NOL4: variants seen among roughly 807,000 people sequenced by gnomAD.
The protein encoded by NOL4 is nucleolar protein 4.
A neutral mutation model predicts 75.9 loss-of-function variants in NOL4; 17 were observed. That is an observed-to-expected ratio of 0.22 (90% CI 0.15 to 0.34). NOL4 has a LOEUF of 0.34. Among genes scored for constraint, NOL4 ranks in the 10% least tolerant of loss-of-function variants. The pLI, the probability that NOL4 is intolerant of heterozygous loss-of-function variation, is 1.00. For missense variants in NOL4, 614 were observed against 793.5 expected, an observed-to-expected ratio of 0.77 and a Z score of 2.72; for synonymous variants, 292 against 289.9, an observed-to-expected ratio of 1.01 and a Z score of -0.07.
At chr18:33,853,674 A>T (rs935371502) in intron 10 of NOL4, among the ~76,000 whole-genome samples, 2 of 152,014 alleles carry the variant, frequency 1.3e-5, no homozygotes, top group African/African-American at 4.8e-5. Context: ...ATTACATTGG[A>T]ATTTGCTTTA....
chr18:34,059,254 G>T (rs1242101898), intron 5 of NOL4, among the ~76,000 whole-genome samples: 4 of 150,586 alleles, frequency 2.7e-5, no homozygotes, highest in Admixed American at 6.6e-5. Context: ...AAATACCCCC[G>T]ATTCAAAGTT....
chr18:34,158,910 A>G (rs958207298), intron 1 of NOL4, among the ~76,000 whole-genome samples: 12 of 152,176 alleles, frequency 7.9e-5, no homozygotes, highest in African/African-American at 2.2e-4. Context: ...GAGATACAAA[A>G]TGTAGAATGG....
At chr18:34,173,727 C>G (rs948800658) in intron 1 of NOL4, among the ~76,000 whole-genome samples, 16 of 152,210 alleles carry the variant, frequency 1.1e-4, no homozygotes, top group Admixed American at 1.0e-3. Context: ...TCTGTCTCAG[C>G]CTATGACAGA....
chr18:33,928,663 T>G (rs1272061731), intron 9 of NOL4, among the ~76,000 whole-genome samples: 1 of 152,136 alleles, frequency 6.6e-6, no homozygotes, highest in Non-Finnish European at 1.5e-5. Flanking sequence ...AAGGAAGAAA[T>G]TTAAACAGAA....
At chr18:34,127,827 G>A (rs1044363761) in intron 2 of NOL4, among the ~76,000 whole-genome samples, 4 of 151,804 alleles carry the variant, frequency 2.6e-5, no homozygotes, top group Non-Finnish European at 4.4e-5. Context: ...AGATCAGAGG[G>A]AAAAAGTTTA....
intron 9 of NOL4, among the ~76,000 whole-genome samples, chr18:33,927,789 A>T (rs1180321998): frequency 6.6e-6 from 1 of 152,206 alleles, no homozygotes; most frequent in Non-Finnish European, 1.5e-5. Flanking sequence ...ATGTAGAAAC[A>T]CTAATGCCCC....
At chr18:33,996,648 T>C (rs370814616) in intron 6 of NOL4, among the ~76,000 whole-genome samples, 100 of 151,994 alleles carry the variant, frequency 6.6e-4, no homozygotes, top group African/African-American at 2.3e-3. Flanking sequence ...GGCCCACTTA[T>C]AAGTGAGAAC....
At chr18:33,956,355 C>T (rs2069646095) in intron 8 of NOL4, among the ~76,000 whole-genome samples, 1 of 152,038 alleles carries the variant, frequency 6.6e-6, no homozygotes, top group African/African-American at 2.4e-5. Context: ...AAAGCATGGC[C>T]TTTTATATCC....
At chr18:33,975,304 G>A (rs1306102517) in intron 6 of NOL4, among the ~76,000 whole-genome samples, 3 of 152,156 alleles carry the variant, frequency 2.0e-5, no homozygotes, top group Non-Finnish European at 4.4e-5. Context: ...CTAAAATTAT[G>A]AGACTTTTTT....
chr18:33,937,789 T>C (rs1295876601), intron 9 of NOL4, among the ~76,000 whole-genome samples: 2 of 152,132 alleles, frequency 1.3e-5, no homozygotes, highest in African/African-American at 2.4e-5. Context: ...TTTATACACT[T>C]TTAAGATACT....
chr18:33,981,731 C>A (rs954269694), intron 6 of NOL4, among the ~76,000 whole-genome samples: 2 of 152,058 alleles, frequency 1.3e-5, no homozygotes, highest in African/African-American at 4.8e-5. Context: ...ATGACTTGGA[C>A]TTATTTTTTC....
At chr18:34,206,445 C>G (rs1488780744) in intron 1 of NOL4, among the ~76,000 whole-genome samples, 1 of 151,968 alleles carries the variant, frequency 6.6e-6, no homozygotes, top group Admixed American at 6.6e-5. Context: ...TAGAATAGGC[C>G]TGCTGGAAAT....
intron 2 of NOL4, among the ~76,000 whole-genome samples, chr18:34,111,929 G>T (rs2079607700): frequency 1.3e-5 from 2 of 152,174 alleles, no homozygotes; most frequent in South Asian, 4.1e-4. Flanking sequence ...CAATATGGTG[G>T]TTCCCCTAGA....
chr18:33,980,390 A>G (rs1476101079), intron 6 of NOL4, among the ~76,000 whole-genome samples: 1 of 152,130 alleles, frequency 6.6e-6, no homozygotes. Flanking sequence ...AGTGAATATC[A>G]GATAAAAATA....
chr18:33,867,732 C>G (rs2063502876), intron 10 of NOL4, among the ~76,000 whole-genome samples: 1 of 151,368 alleles, frequency 6.6e-6, no homozygotes, highest in Non-Finnish European at 1.5e-5. Context: ...TTGAAAAGTC[C>G]CAAGATCTGT....
intron 4 of NOL4, among the ~76,000 whole-genome samples, chr18:34,101,752 C>T (rs188909504): frequency 6.6e-5 from 10 of 152,116 alleles, no homozygotes; most frequent in African/African-American, 2.4e-4. Context: ...TACTGGTGTC[C>T]CTGCATCCAG....
chr18:34,175,132 G>T (rs2033424098), intron 1 of NOL4, among the ~76,000 whole-genome samples: 1 of 152,068 alleles, frequency 6.6e-6, no homozygotes, highest in Non-Finnish European at 1.5e-5. Flanking sequence ...ATTCACAATG[G>T]CCCACATTCC....
intron 1 of NOL4, among the ~76,000 whole-genome samples, chr18:34,134,451 C>G (rs2080803268): frequency 4.2e-5 from 1 of 23,992 alleles, no homozygotes; most frequent in African/African-American, 1.1e-4. Context: ...CCAAGTGACA[C>G]ACACACACAC....
chr18:34,125,748 T>G (rs1341790346), intron 2 of NOL4, among the ~76,000 whole-genome samples: 3 of 152,004 alleles, frequency 2.0e-5, no homozygotes, highest in Admixed American at 6.6e-5. Context: ...TTAAAAGCAT[T>G]TTTTTAAAAA....
Sources: gnomAD v4.1 joint callset for allele counts (sites outside exome capture counted in the v4.1 genomes callset) on GRCh38, gnomAD v4.1.1 for gene constraint, MANE v1.5 for transcripts, NCBI Gene and HGNC (gene_info 2026-07-23, HGNC 2026-07-21) for gene names.